The following ADGRL3 variants were observed in gnomAD, a reference collection of about 807,000 sequenced individuals.
ADGRL3 encodes calcium-independent alpha-latrotoxin receptor 3.
Under a neutral mutation model 153.5 loss-of-function variants are expected in ADGRL3, and 62 were observed. The ratio of observed to expected loss-of-function variants is 0.40; its 90% CI spans 0.33 to 0.50. ADGRL3 has a LOEUF of 0.50. Ranked by LOEUF, ADGRL3 falls within the 20% of genes least tolerant of loss-of-function variation. The pLI is 0.47. For synonymous variants in ADGRL3, 710 were observed against 672.5 expected (o/e 1.06, Z -0.86); for missense variants, 1,641 against 1,859.4 (o/e 0.88, Z 2.16).
intron 25 of ADGRL3, among the ~76,000 whole-genome samples, chr4:62,051,698 A>G (rs1734305523): frequency 6.6e-6 from 1 of 151,622 alleles, no homozygotes; most frequent in Admixed American, 6.6e-5. Flanking sequence ...GGTTTTAAAA[A>G]TTGTATTTAA....
chr4:61,412,243 A>C (rs889037161), intron 2 of ADGRL3, among the ~76,000 whole-genome samples: 39 of 152,118 alleles, frequency 2.6e-4, no homozygotes, highest in South Asian at 6.2e-4. Context: ...CACTGTGCCC[A>C]ACTATTTTTT....
At chr4:61,848,986 A>G (rs2098169634) in intron 9 of ADGRL3, among the ~76,000 whole-genome samples, 1 of 152,220 alleles carries the variant, frequency 6.6e-6, no homozygotes, top group Admixed American at 6.5e-5. Flanking sequence ...ATGAAGCTAA[A>G]GTTAGTTCGT....
intron 25 of ADGRL3, among the ~76,000 whole-genome samples, chr4:62,045,153 A>C (rs969774569): frequency 6.6e-6 from 1 of 151,696 alleles, no homozygotes; most frequent in African/African-American, 2.4e-5. Context: ...CGTTCCCTTA[A>C]TCTATTGTTT....
intron 5 of ADGRL3, among the ~76,000 whole-genome samples, chr4:61,667,349 C>A (rs1167239685): frequency 6.6e-6 from 1 of 151,932 alleles, no homozygotes. Flanking sequence ...GTAAGAAAAT[C>A]AAAAGAAGTT....
chr4:61,403,591 A>T (rs1408694125), intron 2 of ADGRL3, among the ~76,000 whole-genome samples: 1 of 152,060 alleles, frequency 6.6e-6, no homozygotes, highest in East Asian at 1.9e-4. Flanking sequence ...TTTTATAATA[A>T]ACTGGTAATT....
chr4:61,431,397 A>G (rs1263385050), intron 2 of ADGRL3, among the ~76,000 whole-genome samples: 1 of 152,226 alleles, frequency 6.6e-6, no homozygotes, highest in Non-Finnish European at 1.5e-5. Context: ...GTTGTCTTTC[A>G]GAGGCTGAAC....
chr4:61,601,200 G>T (rs1244877392), intron 5 of ADGRL3, among the ~76,000 whole-genome samples: 1 of 152,026 alleles, frequency 6.6e-6, no homozygotes, highest in East Asian at 1.9e-4. Flanking sequence ...ATGTGTTACC[G>T]AATGCGCCAA....
intron 21 of ADGRL3, among the ~76,000 whole-genome samples, chr4:62,027,174 A>T (rs909018580): frequency 1.3e-5 from 2 of 152,088 alleles, no homozygotes; most frequent in African/African-American, 4.8e-5. Flanking sequence ...ATGGTAATAT[A>T]AGTACAGGAT....
intron 17 of ADGRL3, among the ~76,000 whole-genome samples, chr4:61,954,224 T>C (rs2150381550): frequency 6.6e-6 from 1 of 152,210 alleles, no homozygotes; most frequent in African/African-American, 2.4e-5. Context: ...AAAGCATGCA[T>C]CACCTTTTAT....
rs112554918 is a variant in ADGRL3, at chr4:61,993,689, C to A, written c.3237-2602C>A. Among the ~76,000 whole-genome samples, 275 of 150,484 alleles carry A rather than the reference C, an allele frequency of 1.8e-3. 2 individuals carry two copies. Among genetic ancestry groups the A allele is most frequent in the African/African-American group, 6.2e-3 (254 of 41,164 alleles). On this transcript the variant is annotated intron_variant, in intron 19 of 26. Transcript: ENST00000683033. ...CCTTCCCCAAGAGTTTCTTTTCTGTCTCTCTCTCTCTCTCTCCCTCTCTGT... is the reference window on the plus strand; with the variant it reads ...CCTTCCCCAAGAGTTTCTTTTCTGTATCTCTCTCTCTCTCTCCCTCTCTGT...
intron 3 of ADGRL3, among the ~76,000 whole-genome samples, chr4:61,498,501 G>T (rs564158480): frequency 4.3e-4 from 65 of 152,110 alleles, no homozygotes; most frequent in African/African-American, 1.6e-3. Flanking sequence ...AGTGACCCAA[G>T]ATCGTGCCAC....
At chr4:62,053,250 G>GA (rs1446424952) in intron 25 of ADGRL3, among the ~76,000 whole-genome samples, 3 of 151,396 alleles carry the variant, frequency 2.0e-5, no homozygotes, top group African/African-American at 7.2e-5. Context: ...TTAGCAAAGA[G>GA]AAAAAGGCCT....
chr4:61,577,181 TGAGA>T (rs919824487), intron 4 of ADGRL3, among the ~76,000 whole-genome samples: 9 of 139,602 alleles, frequency 6.4e-5, no homozygotes, highest in African/African-American at 1.8e-4. Context: ...TGTGTGTGTG[TGAGA>T]GAGAGAGTGT....
At chr4:61,503,895 A>G (rs895895215) in intron 3 of ADGRL3, among the ~76,000 whole-genome samples, 1 of 151,968 alleles carries the variant, frequency 6.6e-6, no homozygotes, top group African/African-American at 2.4e-5. Flanking sequence ...AATGTTTCAG[A>G]TTTTCTGGAA....
intron 4 of ADGRL3, among the ~76,000 whole-genome samples, chr4:61,544,778 A>G (rs752610860): frequency 6.6e-6 from 1 of 152,226 alleles, no homozygotes; most frequent in Non-Finnish European, 1.5e-5. Context: ...CCTCTTTCCA[A>G]TGATTTATGA....
At chr4:61,280,424 T>C (rs1374405459) in intron 1 of ADGRL3, among the ~76,000 whole-genome samples, 1 of 123,742 alleles carries the variant, frequency 8.1e-6, no homozygotes, top group Non-Finnish European at 1.8e-5. Context: ...TCAAGAAGTA[T>C]AAATTAATGA....
chr4:62,076,403 A>G lies in ADGRL3; in HGVS notation c.*5495A>G, dbSNP rs1747156414. The G allele has an allele frequency of 6.6e-6, 1 of 152,098 alleles. No homozygotes were observed. The highest frequency in any genetic ancestry group is 2.4e-5 in the African/African-American group (1 of 41,444). The allele number at this position is 152,098 out of a possible 1,614,324, so 9.4% of individuals were successfully genotyped here. ...ATGTGAAGAAATCAAGAAAGACTATACATGAACAAATCTCTATTGGGATAA... is the reference window on the plus strand; with the variant it reads ...ATGTGAAGAAATCAAGAAAGACTATGCATGAACAAATCTCTATTGGGATAA... On this transcript the variant is annotated 3_prime_UTR_variant, in exon 27 of 27. Coordinates refer to ENST00000683033, the MANE Select transcript of ADGRL3 (RefSeq NM_001387552.1).
At chr4:61,363,355 A>G (rs1250737782) in intron 1 of ADGRL3, among the ~76,000 whole-genome samples, 1 of 143,938 alleles carries the variant, frequency 6.9e-6, no homozygotes, top group South Asian at 2.2e-4. Context: ...TTTTTTTTGG[A>G]TTTTTAAATA....
At chr4:61,954,751 G>C (rs1372367469) in intron 17 of ADGRL3, among the ~76,000 whole-genome samples, 5 of 152,054 alleles carry the variant, frequency 3.3e-5, no homozygotes, top group African/African-American at 1.2e-4. Flanking sequence ...GACAGCGCTT[G>C]CCAAGATTTC....
Sources: gnomAD v4.1 joint callset for allele counts (sites outside exome capture counted in the v4.1 genomes callset) on GRCh38, gnomAD v4.1.1 for gene constraint, MANE v1.5 for transcripts, NCBI Gene and HGNC (gene_info 2026-07-23, HGNC 2026-07-21) for gene names.